The following ERBB4 variants were observed in gnomAD, a reference collection of about 807,000 sequenced individuals.
The protein encoded by ERBB4 is receptor tyrosine-protein kinase erbB-4.
ERBB4 carries 42 observed loss-of-function variants against 158.0 expected under a neutral mutation model. The observed-to-expected ratio is 0.27, with a 90% CI of 0.21 to 0.34. The LOEUF is 0.34. Among genes scored for constraint, ERBB4 ranks in the 10% least tolerant of loss-of-function variants. The pLI, the probability that ERBB4 is intolerant of heterozygous loss-of-function variation, is 1.00. For missense variants in ERBB4, 1,333 were observed against 1,624.1 expected (o/e 0.82, Z 3.08); for synonymous variants, 583 against 558.7 (o/e 1.04, Z -0.61).
intron 1 of ERBB4, among the ~76,000 whole-genome samples, chr2:212,200,296 A>G (rs539765904): frequency 1.4e-4 from 21 of 152,308 alleles, no homozygotes; most frequent in African/African-American, 4.8e-4. Context: ...AGGAAAAGTT[A>G]CATATGTAAA....
At chr2:212,250,938 G>A (rs74770307) in intron 1 of ERBB4, among the ~76,000 whole-genome samples, 8,415 of 151,982 alleles carry the variant, frequency 0.055, 322 homozygotes, top group Non-Finnish European at 0.082. Context: ...AAATAGTGGT[G>A]TGAATTTCTG....
chr2:211,874,882 G>T (rs927642124), intron 3 of ERBB4, among the ~76,000 whole-genome samples: 4 of 151,880 alleles, frequency 2.6e-5, no homozygotes, highest in African/African-American at 9.7e-5. Flanking sequence ...AAACATTTTT[G>T]TTAATGCTAA....
intron 1 of ERBB4, among the ~76,000 whole-genome samples, chr2:212,249,767 T>A (rs776291583): frequency 1.3e-5 from 2 of 152,028 alleles, no homozygotes; most frequent in Non-Finnish European, 2.9e-5. Flanking sequence ...GAAGCAAACA[T>A]TGTATTATGC....
intron 3 of ERBB4, among the ~76,000 whole-genome samples, chr2:211,907,264 G>A (rs561126239): frequency 6.6e-6 from 1 of 151,770 alleles, no homozygotes; most frequent in South Asian, 2.1e-4. Flanking sequence ...AAAGGCACTG[G>A]GAATCTTCAG....
chr2:212,200,810 T>G (rs1218183259), intron 1 of ERBB4, among the ~76,000 whole-genome samples: 1 of 152,164 alleles, frequency 6.6e-6, no homozygotes, highest in South Asian at 2.1e-4. Context: ...CTTAAGACAA[T>G]TGGGGAAGGT....
At chr2:212,320,746 T>A (rs1276052561) in intron 1 of ERBB4, among the ~76,000 whole-genome samples, 3 of 150,040 alleles carry the variant, frequency 2.0e-5, no homozygotes, top group African/African-American at 7.3e-5. Context: ...AGGTTTGTTG[T>A]TTTGTTTTGT....
chr2:212,175,232 G>A (rs554852197), intron 1 of ERBB4, among the ~76,000 whole-genome samples: 2 of 152,158 alleles, frequency 1.3e-5, no homozygotes, highest in South Asian at 4.1e-4. Context: ...ATAGTATCTA[G>A]CAGATAAAAA....
At chr2:212,111,570 T>A (rs1213036518) in intron 2 of ERBB4, among the ~76,000 whole-genome samples, 1 of 152,172 alleles carries the variant, frequency 6.6e-6, no homozygotes, top group African/African-American at 2.4e-5. Flanking sequence ...ATAGAATTTT[T>A]AAAAAGGAGA....
intron 20 of ERBB4, among the ~76,000 whole-genome samples, chr2:211,561,413 A>G (rs6738342): frequency 0.046 from 6,982 of 152,208 alleles, 537 homozygotes; most frequent in African/African-American, 0.16. Flanking sequence ...GCCTTTGTGT[A>G]AGACTAAAAC....
chr2:211,565,381 T>A (rs1191295086), intron 19 of ERBB4, among the ~76,000 whole-genome samples: 1 of 152,112 alleles, frequency 6.6e-6, no homozygotes, highest in Admixed American at 6.6e-5. Flanking sequence ...AGTTAGCATA[T>A]GATACATAGG....
chr2:211,953,465 CAAAAA>C (rs36024345), intron 2 of ERBB4, among the ~76,000 whole-genome samples: 2 of 85,576 alleles, frequency 2.3e-5, no homozygotes, highest in Non-Finnish European at 2.5e-5. Context: ...GGTTTTTCTC[CAAAAA>C]AAAAAAAAAA....
intron 1 of ERBB4, among the ~76,000 whole-genome samples, chr2:212,203,629 C>T (rs1415972449): frequency 6.6e-6 from 1 of 152,248 alleles, no homozygotes; most frequent in South Asian, 2.1e-4. Flanking sequence ...CATCACAGAC[C>T]ACCACATCAA....
chr2:212,148,390 C>A (rs1251322429), intron 1 of ERBB4, among the ~76,000 whole-genome samples: 1 of 151,950 alleles, frequency 6.6e-6, no homozygotes, highest in Non-Finnish European at 1.5e-5. Flanking sequence ...CTCTGAGGTA[C>A]AAGAAAAATA....
chr2:211,902,412 T>C (rs563921851), intron 3 of ERBB4, among the ~76,000 whole-genome samples: 36 of 152,168 alleles, frequency 2.4e-4, no homozygotes, highest in African/African-American at 8.7e-4. Context: ...AAAAATTTGG[T>C]TCCTATTTCA....
intron 3 of ERBB4, among the ~76,000 whole-genome samples, chr2:211,808,490 T>TCTGTTTTGGTACCAGTACAATG (rs2076671256): frequency 6.6e-6 from 1 of 152,148 alleles, no homozygotes; most frequent in African/African-American, 2.4e-5. Flanking sequence ...GGTCTATATC[T>TCTGTTTTGGTACCAGTACAATG]CTGTTTTGGT....
intron 1 of ERBB4, among the ~76,000 whole-genome samples, chr2:212,278,459 A>G (rs1004519083): frequency 2.8e-4 from 43 of 151,674 alleles, no homozygotes; most frequent in Non-Finnish European, 5.8e-4. Flanking sequence ...GTGAGGGGAA[A>G]CAGCAGCACA....
intron 21 of ERBB4, among the ~76,000 whole-genome samples, chr2:211,429,669 TCACCAAGGTGA>T (rs1273165003): frequency 6.6e-6 from 1 of 152,196 alleles, no homozygotes; most frequent in African/African-American, 2.4e-5. Context: ...GGTTGGCTGC[TCACCAAGGTGA>T]CACCAAGGTA....
chr2:212,494,910 A>G (rs1311254651), intron 1 of ERBB4, among the ~76,000 whole-genome samples: 3 of 152,166 alleles, frequency 2.0e-5, no homozygotes, highest in African/African-American at 7.2e-5. Context: ...TAACTTTACA[A>G]TAGAGTTAAT....
intron 25 of ERBB4, among the ~76,000 whole-genome samples, chr2:211,397,831 T>C (rs977764410): frequency 6.6e-6 from 1 of 152,166 alleles, no homozygotes; most frequent in Non-Finnish European, 1.5e-5. Context: ...TCCTCAATTA[T>C]CTATACTTTT....
Sources: allele counts gnomAD v4.1 joint callset (sites outside exome capture counted in the v4.1 genomes callset), GRCh38; gene constraint gnomAD v4.1.1; transcripts MANE v1.5; gene names NCBI Gene and HGNC (gene_info 2026-07-23, HGNC 2026-07-21).